PRKCZ: variants seen among roughly 807,000 people sequenced by gnomAD.
PRKCZ encodes protein kinase C zeta type.
A neutral mutation model predicts 79.5 loss-of-function variants in PRKCZ; 33 were observed. The ratio of observed to expected loss-of-function variants is 0.41; its 90% CI spans 0.31 to 0.55. PRKCZ has a LOEUF of 0.55. Among genes scored for constraint, PRKCZ ranks in the 20% least tolerant of loss-of-function variants. The pLI is 0.19. For synonymous variants in PRKCZ, 342 were observed against 320.9 expected (o/e 1.07, Z -0.70); for missense variants, 578 against 813.5 (o/e 0.71, Z 3.52).
chr1:2,153,010 A>G (rs945815655), intron 9 of PRKCZ, among the ~76,000 whole-genome samples: 3 of 152,244 alleles, frequency 2.0e-5, no homozygotes, highest in African/African-American at 7.2e-5. Flanking sequence ...CTAGCAGTAC[A>G]GTTGCTGGGT....
At position 2,172,997 on chromosome 1, in the gene PRKCZ, G is replaced by T. The variant is rs563533915; in HGVS notation, c.1285+609G>T. On this transcript the variant is annotated intron_variant, in intron 13 of 17. Coordinates refer to ENST00000378567, the MANE Select transcript of PRKCZ (RefSeq NM_002744.6). The surrounding 1 kb of genome is among the most constrained non-coding windows in gnomAD (Gnocchi z 7.8). The stretch of plus-strand genomic sequence containing the variant: ...GTGTGAAACGGGGACGTGGGCACGC[G>T]TGTGCAGCCCTGTGTGCGTGTGTGC... Among the ~76,000 whole-genome samples, 17 of 152,322 alleles carry T rather than the reference G, an allele frequency of 1.1e-4. No individual in the cohort carries two copies. The highest frequency in any genetic ancestry group is 3.8e-4 in the African/African-American group (16 of 41,580).
chr1:2,067,683 C>T (rs573964774), intron 4 of PRKCZ, among the ~76,000 whole-genome samples: 13 of 152,286 alleles, frequency 8.5e-5, no homozygotes, highest in South Asian at 2.1e-4. Flanking sequence ...GCCCCTCTCC[C>T]GCTTGTTTCT....
At chr1:2,163,450 C>G (rs1286168569) in intron 10 of PRKCZ, among the ~76,000 whole-genome samples, 1 of 152,256 alleles carries the variant, frequency 6.6e-6, no homozygotes, top group Non-Finnish European at 1.5e-5. Context: ...ATGATACATA[C>G]AGCCTCTCAG....
chr1:2,132,046 T>G (rs889635730), intron 4 of PRKCZ, among the ~76,000 whole-genome samples: 2 of 152,158 alleles, frequency 1.3e-5, no homozygotes, highest in South Asian at 2.1e-4. Context: ...CTCCTGACCT[T>G]GTGATCTGCC....
intron 4 of PRKCZ, chr1:2,098,568 CCT>C (rs58602729): frequency 0.47 from 71,901 of 151,934 alleles, 18,435 homozygotes; most frequent in East Asian, 0.75. Context: ...GAGAGGGTGC[CCT>C]CTGCCGTCAC....
rs750716762 is a variant in PRKCZ, at chr1:2,121,618, T to C, written c.335-13644T>C. The stretch of plus-strand genomic sequence containing the variant: ...GTCACAGCAGTAATTAGGGTCATGG[T>C]GGTGGTTAGGGTCACAGTGGTAGTT... On this transcript the variant is annotated intron_variant, in intron 4 of 17. Coordinates refer to ENST00000378567, the MANE Select transcript of PRKCZ (RefSeq NM_002744.6). Among the ~76,000 whole-genome samples the C allele has an allele frequency of 7.8e-3, 619 of 79,314 alleles. 71 individuals are homozygous for C. The highest frequency in any genetic ancestry group is 0.063 in the East Asian group (190 of 3,010). 52.0% of individuals were successfully genotyped at this position (79,314 alleles called of 152,430 possible). A position where few individuals can be genotyped will look rare whatever the true frequency, so the allele number is the denominator to read the frequency against.
chr1:2,144,602 C>G lies in PRKCZ; in HGVS notation c.552+261C>G, dbSNP rs781470303. On this transcript the variant is annotated intron_variant, in intron 6 of 17. Transcript: ENST00000378567. ...AGGCTCAGGTAGGACGTGGTACGCT[C>G]TGCTCAGTGGGTCGGAGGTAAGGTT... 3.4e-5 allele frequency: 45 copies of G among 1,326,832 alleles called. 1 individual carries two copies. Among genetic ancestry groups the G allele is most frequent in the South Asian group, 4.8e-5 (3 of 62,654 alleles). The allele number at this position is 1,326,832 out of a possible 1,614,324, so 82.2% of individuals were successfully genotyped here.
At chr1:2,133,529 A>AC (rs549485530) in intron 4 of PRKCZ, 509 of 14,154 alleles carry the variant, frequency 0.036, 6 homozygotes, top group South Asian at 0.11. Flanking sequence ...CCTTGGTTCC[A>AC]CCCCCCCCAG....
At position 2,135,320 on chromosome 1, in the gene PRKCZ, C is replaced by T; in HGVS notation, c.393C>T (p.His131=). ...RWRKLYRANG[H]LFQAKRFNRR... ...GGAAGCTGTACCGTGCCAACGGCCACCTCTTCCAAGCCAAGCGCTTTAACA... is the reference window on the plus strand; with the variant it reads ...GGAAGCTGTACCGTGCCAACGGCCATCTCTTCCAAGCCAAGCGCTTTAACA... The change falls in exon 5 of 18, where the codon CAC becomes CAT. Residue 131 remains histidine (H), a synonymous_variant. Transcript: ENST00000378567. 9 of 1,613,364 alleles carry T rather than the reference C, an allele frequency of 5.6e-6. No homozygotes were observed. The highest frequency in any genetic ancestry group is 7.6e-6 in the Non-Finnish European group (9 of 1,179,770).
At position 2,094,383 on chromosome 1, in the gene PRKCZ, C is replaced by T. The variant is rs1305975664; in HGVS notation, c.334+34792C>T. ...GGCTCGTTGAACCTTGGGCACTGCC[C>T]ATTCTGAGGCGCCCGCTGTGCCCGG... is the stretch of plus-strand genomic sequence containing the variant. On this transcript the variant is annotated intron_variant, in intron 4 of 17. Transcript: ENST00000378567. The surrounding 1 kb of genome is among the most constrained non-coding windows in gnomAD (Gnocchi z 7.3). Among the ~76,000 whole-genome samples the T allele has an allele frequency of 6.6e-6, 1 of 152,026 alleles. No individual in the cohort carries two copies. The highest frequency in any genetic ancestry group is 1.5e-5 in the Non-Finnish European group (1 of 68,000).
intron 1 of PRKCZ, among the ~76,000 whole-genome samples, chr1:2,053,261 C>A (rs993960079): frequency 6.6e-6 from 1 of 152,144 alleles, no homozygotes; most frequent in African/African-American, 2.4e-5. Context: ...CCACCACGCC[C>A]GGTTAACTTT....
intron 1 of PRKCZ, among the ~76,000 whole-genome samples, chr1:2,051,993 G>A (rs1042172360): frequency 6.6e-6 from 1 of 152,170 alleles, no homozygotes; most frequent in Non-Finnish European, 1.5e-5. Flanking sequence ...GAAGAGGTAG[G>A]GCAGCCATGT....
At chr1:2,072,399 TTC>T (rs1208083109) in intron 4 of PRKCZ, among the ~76,000 whole-genome samples, 1 of 152,254 alleles carries the variant, frequency 6.6e-6, no homozygotes, top group Non-Finnish European at 1.5e-5. Context: ...ATTACTCAGC[TTC>T]TGAGAGGAGA....
At chr1:2,081,563 G>A (rs1041540611) in intron 4 of PRKCZ, among the ~76,000 whole-genome samples, 7 of 152,206 alleles carry the variant, frequency 4.6e-5, no homozygotes, top group Admixed American at 2.0e-4. Context: ...TACTGCAGCC[G>A]GAGCTCCAGC....
In PRKCZ at chr1:2,172,298, C is replaced by T; in HGVS notation, c.1198-3C>T. On this transcript the variant is annotated splice_region_variant and splice_polypyrimidine_tract_variant and intron_variant, in intron 12 of 17. Transcript: ENST00000378567. This position sits in a 1 kb window ranked among gnomAD's most constrained non-coding sequence, Gnocchi z 7.8. ...CCCTCTCCCAGTAACTTTGCCCCCA[C>T]AGGAAGGCCTGGGCCCTGGTGACAC... 6 of 1,613,648 alleles carry T rather than the reference C, an allele frequency of 3.7e-6. No individual in the cohort carries two copies. Among genetic ancestry groups the T allele is most frequent in the South Asian group, 1.1e-5 (1 of 91,092 alleles).
chr1:2,176,610 A>G (rs1380018337), intron 16 of PRKCZ, among the ~76,000 whole-genome samples: 7 of 152,220 alleles, frequency 4.6e-5, no homozygotes. Context: ...TGCATTTTGG[A>G]GGAGGTTGAA....
At chr1:2,084,522 A>T (rs1305053440) in intron 4 of PRKCZ, among the ~76,000 whole-genome samples, 2 of 152,140 alleles carry the variant, frequency 1.3e-5, no homozygotes, top group Non-Finnish European at 2.9e-5. Flanking sequence ...CGGCTCACAG[A>T]TGGGCGTACC....
intron 5 of PRKCZ, chr1:2,143,609 CTGA>C (rs1219125404): frequency 6.6e-6 from 1 of 152,246 alleles, no homozygotes; most frequent in Non-Finnish European, 1.5e-5. Flanking sequence ...GCCAAACAAG[CTGA>C]TAATTACCAT....
chr1:2,099,170 T>G (rs1667039299), intron 4 of PRKCZ, among the ~76,000 whole-genome samples: 2 of 152,158 alleles, frequency 1.3e-5, no homozygotes. Context: ...CCGGCACTCC[T>G]TCATCACCAT....
Sources: allele counts gnomAD v4.1 joint callset (sites outside exome capture counted in the v4.1 genomes callset), GRCh38; gene constraint gnomAD v4.1.1; non-coding constraint Gnocchi (gnomAD v3.1); transcripts MANE v1.5; gene names NCBI Gene and HGNC (gene_info 2026-07-23, HGNC 2026-07-21).